The following ITPK1 variants were observed in gnomAD, a reference collection of about 807,000 sequenced individuals.
ITPK1 encodes inositol 1,3,4-trisphosphate 5/6-kinase.
ITPK1 carries 21 observed loss-of-function variants against 45.3 expected under a neutral mutation model. The ratio of observed to expected loss-of-function variants is 0.46; its 90% CI spans 0.33 to 0.67. ITPK1 has a LOEUF of 0.67. Among genes scored for constraint, ITPK1 ranks in the 30% least tolerant of loss-of-function variants. The probability of loss-of-function intolerance (pLI) is 0.02; values close to 1 mark genes in which losing one functional copy is unlikely to be tolerated. For missense variants in ITPK1, 474 were observed against 573.5 expected (o/e 0.83, Z 1.77); for synonymous variants, 258 against 253.6 (o/e 1.02, Z -0.16).
At chr14:93,015,124 C>T (rs1888112052) in intron 4 of ITPK1, among the ~76,000 whole-genome samples, 1 of 152,156 alleles carries the variant, frequency 6.6e-6, no homozygotes, top group Admixed American at 6.5e-5. Flanking sequence ...GGGACCACAC[C>T]CCAGGACAGT....
At chr14:93,038,057 C>CTT (rs545277358) in intron 3 of ITPK1, among the ~76,000 whole-genome samples, 2,825 of 146,386 alleles carry the variant, frequency 0.019, 64 homozygotes, top group Admixed American at 0.082. Flanking sequence ...ATGACATATT[C>CTT]TTTTTTTTTT....
intron 2 of ITPK1, among the ~76,000 whole-genome samples, chr14:93,105,702 G>GTTT (rs376342112): frequency 7.8e-6 from 1 of 127,770 alleles, no homozygotes; most frequent in East Asian, 2.2e-4. Flanking sequence ...TTTTTGTGGG[G>GTTT]TTTTTTTTTT....
Position 93,038,950 on chromosome 14 carries a change from T to C in ITPK1, c.121-22149A>G, listed in dbSNP as rs139306295. ...CTGGACATGCCAGAAAATAAGATAC[T>C]CTAATACCGTTCCTAAAACCTGTGA... On this transcript the variant is annotated intron_variant, in intron 3 of 10. Transcript: ENST00000267615. 9.3e-4 allele frequency among the ~76,000 whole-genome samples: 142 copies of C among 152,310 alleles called. 3 individuals carry two copies. In the Middle Eastern group the frequency reaches 0.027, roughly 29 times the overall value.
intron 10 of ITPK1, among the ~76,000 whole-genome samples, chr14:92,942,766 G>C (rs148669102): frequency 6.6e-6 from 1 of 152,336 alleles, no homozygotes; most frequent in South Asian, 2.1e-4. Flanking sequence ...AGCAGGTTTC[G>C]GATCTCAGGG....
At chr14:92,989,057 C>T (rs117497661) in intron 5 of ITPK1, among the ~76,000 whole-genome samples, 2,758 of 152,254 alleles carry the variant, frequency 0.018, 72 homozygotes, top group Admixed American at 0.08. Flanking sequence ...CCTCTGGGAG[C>T]AGCTCCCCAC....
At chr14:93,052,148 C>A (rs1181209401) in intron 3 of ITPK1, among the ~76,000 whole-genome samples, 2 of 152,184 alleles carry the variant, frequency 1.3e-5, no homozygotes, top group East Asian at 3.8e-4. Flanking sequence ...GATCTGTGAC[C>A]ATGGGCAAGT....
chr14:92,943,609 C>T (rs1332122846), intron 10 of ITPK1, among the ~76,000 whole-genome samples: 3 of 152,260 alleles, frequency 2.0e-5, no homozygotes, highest in Non-Finnish European at 2.9e-5. Context: ...TCTCCAGCAA[C>T]CTCCTCCAGC....
chr14:93,008,803 CAG>C (rs1345162540), intron 4 of ITPK1, among the ~76,000 whole-genome samples: 2 of 152,218 alleles, frequency 1.3e-5, no homozygotes, highest in African/African-American at 4.8e-5. Flanking sequence ...AAACAGAAAA[CAG>C]GGTGTCCTTT....
chr14:92,995,487 C>G (rs1464551799), intron 4 of ITPK1, among the ~76,000 whole-genome samples: 1 of 152,262 alleles, frequency 6.6e-6, no homozygotes, highest in East Asian at 1.9e-4. Flanking sequence ...CCCACTTCTG[C>G]TCTGAAATCA....
At chr14:93,095,455 T>C (rs375441824) in intron 2 of ITPK1, among the ~76,000 whole-genome samples, 12 of 139,478 alleles carry the variant, frequency 8.6e-5, no homozygotes, top group East Asian at 5.8e-4. Flanking sequence ...AAAGCCAGCT[T>C]CTGGGCCCTG....
chr14:93,057,651 C>T (rs11846859), intron 3 of ITPK1, among the ~76,000 whole-genome samples: 1 of 152,198 alleles, frequency 6.6e-6, no homozygotes, highest in Non-Finnish European at 1.5e-5. Context: ...TATCAGCTGT[C>T]AGACAGAGAA....
chr14:92,954,755 G>A (rs759002416), intron 8 of ITPK1, among the ~76,000 whole-genome samples: 1 of 113,280 alleles, frequency 8.8e-6, no homozygotes, highest in African/African-American at 3.3e-5. Flanking sequence ...TCTCTCTCTT[G>A]GGAGGCGAAG....
chr14:93,065,328 C>T (rs1890701146), intron 3 of ITPK1, among the ~76,000 whole-genome samples: 1 of 152,220 alleles, frequency 6.6e-6, no homozygotes, highest in Non-Finnish European at 1.5e-5. Context: ...TTTAACTACA[C>T]AACACACCTC....
intron 2 of ITPK1, among the ~76,000 whole-genome samples, chr14:93,111,667 C>T (rs1260081739): frequency 1.8e-4 from 27 of 149,190 alleles, no homozygotes; most frequent in African/African-American, 6.4e-4. Context: ...GCCGAGATTG[C>T]GCCACTGCAC....
At chr14:93,044,635 A>G (rs1889701545) in intron 3 of ITPK1, among the ~76,000 whole-genome samples, 1 of 152,158 alleles carries the variant, frequency 6.6e-6, no homozygotes, top group Non-Finnish European at 1.5e-5. Flanking sequence ...GAACTGACCA[A>G]TGTGGCGACA....
At chr14:92,947,199 A>G (rs1286095266) in intron 9 of ITPK1, among the ~76,000 whole-genome samples, 1 of 152,242 alleles carries the variant, frequency 6.6e-6, no homozygotes, top group East Asian at 1.9e-4. Context: ...TGCTGTTTCC[A>G]AATGAACTCA....
Position 93,016,759 on chromosome 14 carries a change from C to T in ITPK1, c.163G>A (p.Val55Ile), listed in dbSNP as rs143953605. 309 of 1,614,140 alleles carry T rather than the reference C, an allele frequency of 1.9e-4. No homozygotes were observed. The East Asian group carries it at 5.7e-3, about 30-fold the overall frequency. ...ACGTCAGTCAGCTTGTGGATGATGA[C>T]GTCCAGGGGGCCCTGCTCCTCGATC... Reference protein sequence around the residue: ...RPIEEQGPLDVIIHKLTDVIL... With the variant: ...RPIEEQGPLDIIIHKLTDVIL... The change falls in exon 4 of 11, where the codon GTC becomes ATC. Residue 55 changes from valine to isoleucine, a missense_variant. Val to Ile is a conservative substitution (Grantham distance 29). Transcript: ENST00000267615. This position sits in a 1 kb window ranked among gnomAD's most constrained non-coding sequence, Gnocchi z 5.0.
chr14:93,076,057 C>T lies in ITPK1; in HGVS notation c.120+538G>A, dbSNP rs1891206998. Among the ~76,000 whole-genome samples, 1 of 151,832 alleles carries T rather than the reference C, an allele frequency of 6.6e-6. No homozygotes were observed. The highest frequency in any genetic ancestry group is 1.5e-5 in the Non-Finnish European group (1 of 67,924). On this transcript the variant is annotated intron_variant, in intron 3 of 10. Coordinates refer to ENST00000267615, the MANE Select transcript of ITPK1 (RefSeq NM_014216.6). The surrounding 1 kb of genome is among the most constrained non-coding windows in gnomAD (Gnocchi z 4.3). ...ATCCTTCCCTCTTCTCTCCATCCATCCTTCTATCCTTCCTCCCCTCCATCC... is the reference window on the plus strand; with the variant it reads ...ATCCTTCCCTCTTCTCTCCATCCATTCTTCTATCCTTCCTCCCCTCCATCC...
rs377171294 is a variant in ITPK1, at chr14:93,035,026, C to T, written c.121-18225G>A. Among the ~76,000 whole-genome samples the T allele has an allele frequency of 2.3e-3, 347 of 152,366 alleles. 1 individual carries two copies. The highest frequency in any genetic ancestry group is 0.01 in the Middle Eastern group (3 of 294). On this transcript the variant is annotated intron_variant, in intron 3 of 10. Coordinates refer to ENST00000267615, the MANE Select transcript of ITPK1 (RefSeq NM_014216.6). The stretch of plus-strand genomic sequence containing the variant: ...GTGAACACACCTCCTTCTTTTGGGT[C>T]CTGCCTCTTCTCCGCTAGGTTCTAG...
Sources: gnomAD v4.1 joint callset for allele counts (sites outside exome capture counted in the v4.1 genomes callset) on GRCh38, gnomAD v4.1.1 for gene constraint, Gnocchi (gnomAD v3.1) non-coding constraint, MANE v1.5 for transcripts, NCBI Gene and HGNC (gene_info 2026-07-23, HGNC 2026-07-21) for gene names.